DLGAP2: variants seen among roughly 807,000 people sequenced by gnomAD.
The protein encoded by DLGAP2 is DLG associated protein 2.
Under a neutral mutation model 100.3 loss-of-function variants are expected in DLGAP2, and 26 were observed. The ratio of observed to expected loss-of-function variants is 0.26; its 90% CI spans 0.19 to 0.36. The LOEUF is 0.36. Ranked by LOEUF, DLGAP2 falls within the 10% of genes least tolerant of loss-of-function variation. DLGAP2 has a pLI of 1.00. For missense variants in DLGAP2, 1,858 were observed against 1,453.2 expected (o/e 1.28, Z -4.53); for synonymous variants, 886 against 630.1 (o/e 1.41, Z -6.08).
At chr8:1,605,147 G>T (rs927244986) in intron 6 of DLGAP2, among the ~76,000 whole-genome samples, 1 of 152,160 alleles carries the variant, frequency 6.6e-6, no homozygotes, top group Non-Finnish European at 1.5e-5. Context: ...TGCCGAAAGA[G>T]GAAACAGTGG....
At chr8:1,436,909 C>A (rs1403390265) in intron 3 of DLGAP2, among the ~76,000 whole-genome samples, 1 of 152,252 alleles carries the variant, frequency 6.6e-6, no homozygotes, top group Non-Finnish European at 1.5e-5. Context: ...ACTTCTTACC[C>A]CTGTGTTACA....
chr8:1,487,544 C>A (rs1485918985), intron 3 of DLGAP2, among the ~76,000 whole-genome samples: 1 of 152,240 alleles, frequency 6.6e-6, no homozygotes, highest in African/African-American at 2.4e-5. Flanking sequence ...AACAGTGCTA[C>A]TGAAGTGAAG....
intron 2 of DLGAP2, among the ~76,000 whole-genome samples, chr8:1,212,958 G>T (rs1402291701): frequency 1.3e-5 from 2 of 151,906 alleles, no homozygotes; most frequent in African/African-American, 4.8e-5. Context: ...TTCTTATGAG[G>T]TTTATTCTAT....
At chr8:927,023 G>C in intron 2 of DLGAP2, 2 of 985,446 alleles carry the variant, frequency 2.0e-6, no homozygotes, top group Non-Finnish European at 2.4e-6. Flanking sequence ...AAGAGAAAGA[G>C]CTCAGAGCCG....
chr8:1,009,761 C>T (rs4637864), intron 2 of DLGAP2, among the ~76,000 whole-genome samples: 59,287 of 152,106 alleles, frequency 0.39, 11,873 homozygotes, highest in African/African-American at 0.46. Flanking sequence ...TTTGTCTCCA[C>T]AGCCTAGACC....
chr8:1,479,770 G>A (rs1799038131), intron 3 of DLGAP2, among the ~76,000 whole-genome samples: 1 of 152,192 alleles, frequency 6.6e-6, no homozygotes, highest in Non-Finnish European at 1.5e-5. Flanking sequence ...TGCGGTCCAA[G>A]CTGGCTGTTA....
At position 1,491,341 on chromosome 8, in the gene DLGAP2, G is replaced by GGAGGCTTCGGGCCGCTCCCCCTCACCCCA. The variant is rs1799379708; in HGVS notation, c.107-10003_107-10002insCACCCCAGAGGCTTCGGGCCGCTCCCCCT. 2.0e-5 allele frequency among the ~76,000 whole-genome samples: 3 copies of GGAGGCTTCGGGCCGCTCCCCCTCACCCCA among 147,868 alleles called. No homozygotes were observed. In the East Asian group the frequency reaches 6.1e-4, roughly 30 times the overall value. On this transcript the variant is annotated intron_variant, in intron 3 of 14. Transcript: ENST00000637795. ...CTTTCAGGCCGCTGCTCCTGACCCC[G>GGAGGCTTCGGGCCGCTCCCCCTCACCCCA]GAGGCTTCGGGCCGCTCCCCCTGAC...
At chr8:801,403 C>G (rs564320712) in intron 1 of DLGAP2, among the ~76,000 whole-genome samples, 8 of 152,064 alleles carry the variant, frequency 5.3e-5, no homozygotes, top group Non-Finnish European at 1.0e-4. Flanking sequence ...CATAAGGCCC[C>G]GTGGGCCCCA....
intron 13 of DLGAP2, among the ~76,000 whole-genome samples, chr8:1,695,609 AAG>A (rs1266845214): frequency 1.3e-5 from 2 of 150,830 alleles, no homozygotes; most frequent in Non-Finnish European, 3.0e-5. Flanking sequence ...GCCCTACAGA[AAG>A]AGGGGGCACA....
At chr8:1,079,815 C>T (rs1803742981) in intron 2 of DLGAP2, among the ~76,000 whole-genome samples, 1 of 152,214 alleles carries the variant, frequency 6.6e-6, no homozygotes, top group African/African-American at 2.4e-5. Context: ...AGAAAATTAG[C>T]TCAATTTGGG....
At chr8:1,606,284 T>TTCA (rs140571571) in intron 6 of DLGAP2, among the ~76,000 whole-genome samples, 4,514 of 152,300 alleles carry the variant, frequency 0.03, 207 homozygotes, top group African/African-American at 0.1. Context: ...AACCATACAA[T>TTCA]TCATCCACTT....
chr8:1,191,905 A>T (rs1797648296), intron 2 of DLGAP2, among the ~76,000 whole-genome samples: 2 of 152,234 alleles, frequency 1.3e-5, no homozygotes, highest in Non-Finnish European at 2.9e-5. Context: ...CCCTCTGAGC[A>T]TGAAGCTCAC....
At chr8:1,104,006 C>T (rs1241889806) in intron 2 of DLGAP2, among the ~76,000 whole-genome samples, 1 of 152,218 alleles carries the variant, frequency 6.6e-6, no homozygotes, top group East Asian at 1.9e-4. Flanking sequence ...CAGGTGGCAT[C>T]ACAAGAACAC....
intron 3 of DLGAP2, among the ~76,000 whole-genome samples, chr8:1,273,217 C>G (rs1799617231): frequency 6.6e-6 from 1 of 152,216 alleles, no homozygotes; most frequent in African/African-American, 2.4e-5. Flanking sequence ...CCACCAGCCA[C>G]AAACACACAT....
chr8:1,489,395 G>C (rs776730497), intron 3 of DLGAP2, among the ~76,000 whole-genome samples: 52 of 152,188 alleles, frequency 3.4e-4, no homozygotes, highest in Admixed American at 3.4e-3. Flanking sequence ...CTAGATCGCA[G>C]TGGTGCCATT....
chr8:1,694,315 G>T (rs543844759), intron 13 of DLGAP2, among the ~76,000 whole-genome samples: 16 of 152,170 alleles, frequency 1.1e-4, no homozygotes, highest in African/African-American at 3.9e-4. Flanking sequence ...CAAATGGTCC[G>T]CAGCGCAAAG....
intron 2 of DLGAP2, among the ~76,000 whole-genome samples, chr8:1,032,386 T>C (rs1355727986): frequency 6.6e-6 from 1 of 152,142 alleles, no homozygotes; most frequent in East Asian, 1.9e-4. Flanking sequence ...CAGCGATTTC[T>C]CCACAGGTGG....
intron 1 of DLGAP2, among the ~76,000 whole-genome samples, chr8:778,934 C>T (rs1821607619): frequency 6.6e-6 from 1 of 152,230 alleles, no homozygotes; most frequent in Non-Finnish European, 1.5e-5. Context: ...GCGCCCCTCC[C>T]CCAGCCTCGC....
intron 2 of DLGAP2, chr8:1,032,728 G>A (rs1802010079): frequency 6.6e-6 from 1 of 152,176 alleles, no homozygotes; most frequent in African/African-American, 2.4e-5. Flanking sequence ...AATCACTACT[G>A]AGAGCAGAGA....
Sources: gnomAD v4.1 joint callset for allele counts (sites outside exome capture counted in the v4.1 genomes callset) on GRCh38, gnomAD v4.1.1 for gene constraint, MANE v1.5 for transcripts, NCBI Gene and HGNC (gene_info 2026-07-23, HGNC 2026-07-21) for gene names.